SCAPER: variants seen among roughly 807,000 people sequenced by gnomAD.
The protein encoded by SCAPER is S-phase cyclin A associated protein in the ER.
In SCAPER, 98 loss-of-function variants were observed where a neutral mutation model predicts 182.2. That is an observed-to-expected ratio of 0.54 (90% CI 0.46 to 0.64). SCAPER has a LOEUF of 0.64. Among genes scored for constraint, SCAPER ranks in the 30% least tolerant of loss-of-function variants. The pLI, the probability that SCAPER is intolerant of heterozygous loss-of-function variation, is 0.00. For missense variants in SCAPER, 1,432 were observed against 1,690.0 expected (o/e 0.85, Z 2.68); for synonymous variants, 605 against 564.6 (o/e 1.07, Z -1.01).
At chr15:76,431,891 T>C (rs1181526074) in intron 26 of SCAPER, among the ~76,000 whole-genome samples, 2 of 152,034 alleles carry the variant, frequency 1.3e-5, no homozygotes, top group East Asian at 3.9e-4. Flanking sequence ...TTAAGTCACA[T>C]GAGTTATTTG....
chr15:76,724,508 T>C (rs1567930749), intron 17 of SCAPER, among the ~76,000 whole-genome samples: 1 of 152,168 alleles, frequency 6.6e-6, no homozygotes, highest in African/African-American at 2.4e-5. Context: ...CTGGATAATA[T>C]CCTGCAGAGT....
At chr15:76,685,496 T>C (rs911203211) in intron 20 of SCAPER, among the ~76,000 whole-genome samples, 6 of 152,002 alleles carry the variant, frequency 3.9e-5, no homozygotes, top group Non-Finnish European at 7.4e-5. Flanking sequence ...TGCATTTCTA[T>C]AGAGCAACAA....
At chr15:76,411,748 G>C (rs1206727136) in intron 26 of SCAPER, among the ~76,000 whole-genome samples, 3 of 152,112 alleles carry the variant, frequency 2.0e-5, no homozygotes, top group Non-Finnish European at 4.4e-5. Flanking sequence ...CAATGTATTA[G>C]ATCTCCAGTT....
intron 20 of SCAPER, among the ~76,000 whole-genome samples, chr15:76,686,261 CCA>C (rs1373713007): frequency 1.3e-5 from 2 of 151,904 alleles, no homozygotes; most frequent in African/African-American, 2.4e-5. Flanking sequence ...GGCAGAACAG[CCA>C]CAGACATTCT....
intron 22 of SCAPER, among the ~76,000 whole-genome samples, chr15:76,606,000 T>C (rs1184605018): frequency 6.6e-6 from 1 of 152,158 alleles, no homozygotes; most frequent in African/African-American, 2.4e-5. Flanking sequence ...TTTTGAAGGG[T>C]TTTTTGTGTC....
intron 4 of SCAPER, among the ~76,000 whole-genome samples, chr15:76,844,280 A>G (rs1490344662): frequency 6.6e-6 from 1 of 151,602 alleles, no homozygotes; most frequent in African/African-American, 2.4e-5. Context: ...GGAAAAAAAA[A>G]AAAAAAAAGG....
At chr15:76,370,309 T>TG (rs1410367092) in intron 29 of SCAPER, among the ~76,000 whole-genome samples, 2,069 of 139,618 alleles carry the variant, frequency 0.015, 18 homozygotes, top group African/African-American at 0.044. Context: ...TTTTTTTTTT[T>TG]TTTTTTTGTT....
intron 21 of SCAPER, among the ~76,000 whole-genome samples, chr15:76,657,777 T>C (rs977100329): frequency 1.3e-5 from 2 of 151,958 alleles, no homozygotes; most frequent in African/African-American, 4.8e-5. Context: ...CAAATCAATA[T>C]ATAGGATTCA....
chr15:76,669,989 G>A (rs1034725700), intron 20 of SCAPER, among the ~76,000 whole-genome samples: 1 of 152,078 alleles, frequency 6.6e-6, no homozygotes, highest in Admixed American at 6.5e-5. Context: ...ACTCTATCCA[G>A]AACTATCAAG....
At chr15:76,607,860 A>G (rs1250099188) in intron 22 of SCAPER, among the ~76,000 whole-genome samples, 2 of 152,038 alleles carry the variant, frequency 1.3e-5, no homozygotes, top group Non-Finnish European at 2.9e-5. Context: ...CTTGGTTTTC[A>G]GCTCCATCAG....
At chr15:76,902,794 C>T (rs2074861762) in intron 1 of SCAPER, among the ~76,000 whole-genome samples, 2 of 152,152 alleles carry the variant, frequency 1.3e-5, no homozygotes, top group East Asian at 1.9e-4. Context: ...CAGTGGCGCA[C>T]GCCTGTAATC....
At chr15:76,455,354 A>G (rs1428861046) in intron 25 of SCAPER, among the ~76,000 whole-genome samples, 2 of 152,210 alleles carry the variant, frequency 1.3e-5, no homozygotes, top group African/African-American at 4.8e-5. Flanking sequence ...GAATCTCTAA[A>G]TTTCTAAATG....
chr15:76,431,875 T>C (rs894015260), intron 26 of SCAPER, among the ~76,000 whole-genome samples: 1 of 152,078 alleles, frequency 6.6e-6, no homozygotes, highest in Non-Finnish European at 1.5e-5. Flanking sequence ...TTGTCAATCA[T>C]CATTTTTAAG....
intron 26 of SCAPER, among the ~76,000 whole-genome samples, chr15:76,406,615 TACAC>T (rs36219509): frequency 0.37 from 54,711 of 149,462 alleles, 10,453 homozygotes; most frequent in East Asian, 0.66. Context: ...AGACCCTGTC[TACAC>T]ACACACACAC....
chr15:76,583,548 T>C (rs1029760169), intron 22 of SCAPER, among the ~76,000 whole-genome samples: 4 of 152,108 alleles, frequency 2.6e-5, no homozygotes, highest in African/African-American at 9.7e-5. Flanking sequence ...AACCAGAATA[T>C]ATAAGAGCTG....
intron 23 of SCAPER, among the ~76,000 whole-genome samples, chr15:76,572,889 A>ACTCT (rs111882465): frequency 4.2e-5 from 6 of 142,832 alleles, no homozygotes; most frequent in African/African-American, 1.6e-4. Context: ...GCTTGCGTGC[A>ACTCT]CTCTCTCTCT....
chr15:76,874,362 A>G (rs528633723), intron 2 of SCAPER, among the ~76,000 whole-genome samples: 1 of 152,342 alleles, frequency 6.6e-6, no homozygotes, highest in African/African-American at 2.4e-5. Flanking sequence ...GGCTAAAACT[A>G]AATTATCTAA....
intron 23 of SCAPER, among the ~76,000 whole-genome samples, chr15:76,544,513 T>C (rs1182479363): frequency 6.6e-6 from 1 of 152,174 alleles, no homozygotes; most frequent in South Asian, 2.1e-4. Flanking sequence ...ATACAAGCTA[T>C]AATGTAGATG....
intron 23 of SCAPER, among the ~76,000 whole-genome samples, chr15:76,535,796 G>A (rs2044108435): frequency 6.6e-6 from 1 of 152,108 alleles, no homozygotes; most frequent in Non-Finnish European, 1.5e-5. Flanking sequence ...TTATAAAGTG[G>A]TCATCAGTTT....
Sources: allele counts gnomAD v4.1 joint callset (sites outside exome capture counted in the v4.1 genomes callset), GRCh38; gene constraint gnomAD v4.1.1; transcripts MANE v1.5; gene names NCBI Gene and HGNC (gene_info 2026-07-23, HGNC 2026-07-21).